The following CABCOCO1 variants were observed in gnomAD, a reference collection of about 807,000 sequenced individuals.
CABCOCO1 encodes the protein ciliary-associated calcium-binding coiled-coil protein 1.
Under a neutral mutation model 35.7 loss-of-function variants are expected in CABCOCO1, and 28 were observed. That is an observed-to-expected ratio of 0.78 (90% CI 0.58 to 1.07). The LOEUF (loss-of-function observed/expected upper bound fraction) is 1.07, where lower values mean the gene tolerates loss of function less well. Ranked by LOEUF, CABCOCO1 falls within the 50% of genes least tolerant of loss-of-function variation. The pLI is 0.00. For missense variants in CABCOCO1, 326 were observed against 309.2 expected (o/e 1.05, Z -0.41); for synonymous variants, 95 against 100.1 (o/e 0.95, Z 0.30).
At chr10:61,757,566 T>C (rs1390193981) in intron 5 of CABCOCO1, among the ~76,000 whole-genome samples, 1 of 152,006 alleles carries the variant, frequency 6.6e-6, no homozygotes, top group African/African-American at 2.4e-5. Flanking sequence ...CTCATAAAAA[T>C]CAAGGCAAAG....
At chr10:61,670,625 G>GT (rs1277828427) in intron 1 of CABCOCO1, among the ~76,000 whole-genome samples, 1 of 152,168 alleles carries the variant, frequency 6.6e-6, no homozygotes, top group Non-Finnish European at 1.5e-5. Context: ...CCGCAAGGCA[G>GT]TTTTTTTGCT....
chr10:61,727,744 TA>T (rs1393734009), intron 5 of CABCOCO1, among the ~76,000 whole-genome samples: 1 of 152,166 alleles, frequency 6.6e-6, no homozygotes, highest in Non-Finnish European at 1.5e-5. Context: ...CATGACTCAA[TA>T]AAAAATAAAC....
At chr10:61,765,821 G>A in intron 7 of CABCOCO1, 118 bp from the exon 8 acceptor site, 1 of 827,514 alleles carries the variant, frequency 1.2e-6, no homozygotes, top group Non-Finnish European at 1.9e-6. Context: ...TGCAAAACAG[G>A]AAGGTGTGTG....
intron 5 of CABCOCO1, among the ~76,000 whole-genome samples, chr10:61,702,075 T>A (rs952191988): frequency 2.0e-5 from 3 of 152,194 alleles, no homozygotes; most frequent in Admixed American, 6.5e-5. Flanking sequence ...GCACAGGTCC[T>A]GGCAGAGAGA....
At chr10:61,699,398 A>G (rs1471845423) in intron 5 of CABCOCO1, among the ~76,000 whole-genome samples, 1 of 152,156 alleles carries the variant, frequency 6.6e-6, no homozygotes, top group Non-Finnish European at 1.5e-5. Flanking sequence ...TCCATCACAG[A>G]TCACATGACA....
chr10:61,672,858 A>G, intron 2 of CABCOCO1, 123 bp downstream of exon 2: 4 of 640,968 alleles, frequency 6.2e-6, no homozygotes, highest in Non-Finnish European at 7.8e-6. Flanking sequence ...GCACTGAAAA[A>G]TATCTAGACT....
At chr10:61,674,986 C>T (rs1188045489) in intron 2 of CABCOCO1, among the ~76,000 whole-genome samples, 2 of 152,080 alleles carry the variant, frequency 1.3e-5, no homozygotes, top group African/African-American at 4.8e-5. Flanking sequence ...CCTCCATGAG[C>T]TATTTAGCTC....
chr10:61,671,618 C>T (rs1008237576), intron 1 of CABCOCO1, among the ~76,000 whole-genome samples: 2 of 152,142 alleles, frequency 1.3e-5, no homozygotes, highest in Admixed American at 6.6e-5. Context: ...CTTTTAGGCC[C>T]CCATAACATG....
chr10:61,719,603 T>C (rs1589139036), intron 5 of CABCOCO1, among the ~76,000 whole-genome samples: 1 of 152,114 alleles, frequency 6.6e-6, no homozygotes, highest in African/African-American at 2.4e-5. Context: ...CATCTTGTTA[T>C]GTTTGACCTG....
intron 5 of CABCOCO1, among the ~76,000 whole-genome samples, chr10:61,757,700 GACAC>G (rs67841126): frequency 1.0e-4 from 15 of 147,864 alleles, no homozygotes; most frequent in South Asian, 2.2e-4. Flanking sequence ...CACACACACA[GACAC>G]ACACACACAC....
At chr10:61,702,363 G>A (rs2132016284) in intron 5 of CABCOCO1, among the ~76,000 whole-genome samples, 1 of 152,202 alleles carries the variant, frequency 6.6e-6, no homozygotes, top group South Asian at 2.1e-4. Flanking sequence ...CAAAATTTAT[G>A]ATCAGCTAGT....
intron 5 of CABCOCO1, among the ~76,000 whole-genome samples, chr10:61,743,911 C>A (rs1841601888): frequency 6.6e-6 from 1 of 152,166 alleles, no homozygotes; most frequent in African/African-American, 2.4e-5. Flanking sequence ...ATTTCTAGAA[C>A]ACTCTACATA....
intron 5 of CABCOCO1, among the ~76,000 whole-genome samples, chr10:61,703,677 G>A (rs891890223): frequency 1.2e-4 from 18 of 151,546 alleles, no homozygotes; most frequent in African/African-American, 4.4e-4. Flanking sequence ...TCTGACTTTA[G>A]CTGGGCTGCC....
intron 5 of CABCOCO1, among the ~76,000 whole-genome samples, chr10:61,725,880 A>G (rs1463338309): frequency 1.3e-5 from 2 of 152,220 alleles, no homozygotes; most frequent in African/African-American, 4.8e-5. Flanking sequence ...GTTAGTTTTT[A>G]TAAAAATAAA....
At chr10:61,721,726 G>A (rs1841026783) in intron 5 of CABCOCO1, among the ~76,000 whole-genome samples, 1 of 152,084 alleles carries the variant, frequency 6.6e-6, no homozygotes, top group African/African-American at 2.4e-5. Flanking sequence ...CACCAAATCC[G>A]GCTGGAAGCA....
At chr10:61,664,206 C>T (rs1839096894) in intron 1 of CABCOCO1, among the ~76,000 whole-genome samples, 1 of 152,124 alleles carries the variant, frequency 6.6e-6, no homozygotes. Flanking sequence ...GCCTATTATT[C>T]CCTTGTGATC....
intron 5 of CABCOCO1, among the ~76,000 whole-genome samples, chr10:61,724,000 A>G (rs1328046792): frequency 2.0e-5 from 3 of 152,234 alleles, no homozygotes; most frequent in Admixed American, 2.0e-4. Flanking sequence ...ACCAAAACAC[A>G]AAAGTCAGTA....
In CABCOCO1 at chr10:61,672,615, A is replaced by C. The variant is rs752625458; in HGVS notation, c.61-17A>C. The C allele has an allele frequency of 5.7e-6, 4 of 698,660 alleles. No individual in the cohort carries two copies. In the African/African-American group the frequency reaches 5.8e-5, roughly 10 times the overall value. 43.3% of individuals were successfully genotyped at this position (698,660 alleles called of 1,614,324 possible). A position where few individuals can be genotyped will look rare whatever the true frequency, so the allele number is the denominator to read the frequency against. ...ACGTACAATTAAAGTAACTCACTCC[A>C]CATTGTGTTTTGGTAGAGAGACACT... On this transcript the variant is annotated splice_polypyrimidine_tract_variant and intron_variant, in intron 1 of 7. Transcript: ENST00000648843.
intron 5 of CABCOCO1, among the ~76,000 whole-genome samples, chr10:61,702,587 G>A (rs1390597465): frequency 6.6e-6 from 1 of 151,970 alleles, no homozygotes; most frequent in Non-Finnish European, 1.5e-5. Flanking sequence ...AGACTCTAGG[G>A]TTATATATTT....
Sources: gnomAD v4.1 joint callset for allele counts (sites outside exome capture counted in the v4.1 genomes callset) on GRCh38, gnomAD v4.1.1 for gene constraint, MANE v1.5 for transcripts, NCBI Gene and HGNC (gene_info 2026-07-23, HGNC 2026-07-21) for gene names.